The following STIM1 variants were observed in gnomAD, a reference collection of about 807,000 sequenced individuals.
STIM1 encodes stromal interaction molecule 1.
Under a neutral mutation model 74.7 loss-of-function variants are expected in STIM1, and 25 were observed. The ratio of observed to expected loss-of-function variants is 0.33; its 90% CI spans 0.24 to 0.47. The LOEUF (loss-of-function observed/expected upper bound fraction) is 0.47. Ranked by LOEUF, STIM1 falls within the 20% of genes least tolerant of loss-of-function variation. The probability of loss-of-function intolerance (pLI) is 1.00; values close to 1 mark genes in which losing one functional copy is unlikely to be tolerated. For missense variants in STIM1, 728 were observed against 920.8 expected, an observed-to-expected ratio of 0.79 and a Z score of 2.71; for synonymous variants, 328 against 348.8, an observed-to-expected ratio of 0.94 and a Z score of 0.66.
intron 1 of STIM1, among the ~76,000 whole-genome samples, chr11:3,869,730 C>A (rs7952083): frequency 0.6 from 90,882 of 151,982 alleles, 28,373 homozygotes; most frequent in African/African-American, 0.79. Flanking sequence ...GGGGAGAGAC[C>A]TGACCTGAGT....
intron 1 of STIM1, among the ~76,000 whole-genome samples, chr11:3,957,558 A>G (rs1170599562): frequency 6.6e-6 from 1 of 151,688 alleles, no homozygotes; most frequent in Non-Finnish European, 1.5e-5. Context: ...CGCCTGGCCT[A>G]TTATTATTAT....
chr11:3,895,340 A>G (rs2092028472), intron 1 of STIM1, among the ~76,000 whole-genome samples: 1 of 152,172 alleles, frequency 6.6e-6, no homozygotes, highest in Admixed American at 6.6e-5. Flanking sequence ...TTAAACCTCC[A>G]AGAGATTGGT....
At position 4,015,600 on chromosome 11, in the gene STIM1, G is replaced by C. The variant is rs184342175; in HGVS notation, c.271-8273G>C. 6.5e-3 allele frequency among the ~76,000 whole-genome samples: 990 copies of C among 152,300 alleles called. 9 individuals carry two copies. Among genetic ancestry groups the C allele is most frequent in the African/African-American group, 0.022 (933 of 41,562 alleles). On this transcript the variant is annotated intron_variant, in intron 2 of 12. Coordinates refer to ENST00000526596, the MANE Select transcript of STIM1 (RefSeq NM_001382567.1). ...ATTTGAATGTTGGCCTGCCTTGCTA[G>C]GTTGGGGAAGTTCTCCTGGATAATA...
At chr11:3,919,757 C>T (rs1025124974) in intron 1 of STIM1, among the ~76,000 whole-genome samples, 2 of 152,074 alleles carry the variant, frequency 1.3e-5, no homozygotes, top group African/African-American at 2.4e-5. Flanking sequence ...CAGCCAACAA[C>T]CATTCGATTT....
At chr11:3,972,736 G>C in intron 2 of STIM1, 1 of 453,412 alleles carries the variant, frequency 2.2e-6, no homozygotes, top group Non-Finnish European at 4.4e-6. Flanking sequence ...TCACAAATCT[G>C]TTGTAACCTG....
chr11:4,035,560 A>G (rs1475598434), intron 3 of STIM1, among the ~76,000 whole-genome samples: 2 of 151,670 alleles, frequency 1.3e-5, no homozygotes, highest in African/African-American at 4.8e-5. Context: ...AAAATATTTT[A>G]TATTTCCTTT....
At chr11:3,969,073 G>A (rs905102356) in intron 2 of STIM1, among the ~76,000 whole-genome samples, 1 of 152,224 alleles carries the variant, frequency 6.6e-6, no homozygotes, top group Non-Finnish European at 1.5e-5. Flanking sequence ...AAAGTAAAAA[G>A]TAGGCATTTT....
At chr11:4,004,574 C>T (rs1411785689) in intron 2 of STIM1, among the ~76,000 whole-genome samples, 1 of 151,380 alleles carries the variant, frequency 6.6e-6, no homozygotes, top group Non-Finnish European at 1.5e-5. Context: ...ATACCTTATA[C>T]AAAAATTAAT....
chr11:3,887,398 T>C (rs966831747), intron 1 of STIM1, among the ~76,000 whole-genome samples: 2 of 152,118 alleles, frequency 1.3e-5, no homozygotes, highest in African/African-American at 4.8e-5. Context: ...TAGAAGTGCT[T>C]AATATATTGT....
intron 5 of STIM1, among the ~76,000 whole-genome samples, chr11:4,061,003 A>T (rs2094326971): frequency 6.6e-6 from 1 of 152,188 alleles, no homozygotes; most frequent in Non-Finnish European, 1.5e-5. Context: ...CTTATACCCA[A>T]CTATAAAAGC....
intron 3 of STIM1, among the ~76,000 whole-genome samples, chr11:4,026,069 A>G (rs1251807987): frequency 6.6e-6 from 1 of 152,176 alleles, no homozygotes; most frequent in Non-Finnish European, 1.5e-5. Flanking sequence ...ATCTCTCCGG[A>G]GTGATGATTT....
intron 3 of STIM1, among the ~76,000 whole-genome samples, chr11:4,053,099 G>A (rs1395559749): frequency 2.0e-5 from 3 of 152,218 alleles, no homozygotes; most frequent in East Asian, 1.9e-4. Flanking sequence ...TGGAGAGGAC[G>A]TGGAGAAATA....
intron 1 of STIM1, among the ~76,000 whole-genome samples, chr11:3,928,884 C>G (rs551204102): frequency 6.6e-6 from 1 of 152,096 alleles, no homozygotes; most frequent in African/African-American, 2.4e-5. Context: ...TCTTTTTCCT[C>G]GAGACAGACT....
chr11:4,023,771 A>G, intron 2 of STIM1, 102 bp from the exon 3 acceptor site: 1 of 792,346 alleles, frequency 1.3e-6, no homozygotes, highest in Non-Finnish European at 2.2e-6. Context: ...TGTTGGGTAG[A>G]TGGAATGTGT....
chr11:3,975,228 G>A (rs539434114), intron 2 of STIM1, among the ~76,000 whole-genome samples: 1 of 152,314 alleles, frequency 6.6e-6, no homozygotes, highest in Admixed American at 6.5e-5. Flanking sequence ...GGTAGTTAAT[G>A]ATTCCTACCA....
intron 2 of STIM1, among the ~76,000 whole-genome samples, chr11:3,969,304 G>A (rs1486358523): frequency 2.6e-5 from 4 of 151,708 alleles, no homozygotes; most frequent in Non-Finnish European, 2.9e-5. Flanking sequence ...GGACAACACA[G>A]CGAGACCCTG....
At chr11:3,957,304 T>C (rs187020810) in intron 1 of STIM1, among the ~76,000 whole-genome samples, 48 of 152,274 alleles carry the variant, frequency 3.2e-4, no homozygotes, top group South Asian at 1.0e-3. Flanking sequence ...TTGCGCAGGC[T>C]GGAGTGCAGT....
intron 1 of STIM1, among the ~76,000 whole-genome samples, chr11:3,857,108 GT>G (rs34961672): frequency 0.017 from 1,768 of 104,010 alleles, 53 homozygotes; most frequent in African/African-American, 0.056. Context: ...TTTTTTTTTT[GT>G]TTTTTTTTTT....
chr11:4,039,103 A>G (rs1205471478), intron 3 of STIM1, among the ~76,000 whole-genome samples: 3 of 152,184 alleles, frequency 2.0e-5, no homozygotes, highest in Admixed American at 6.5e-5. Flanking sequence ...GACTCAACAG[A>G]ATAAGATATC....
Sources: gnomAD v4.1 joint callset for allele counts (sites outside exome capture counted in the v4.1 genomes callset) on GRCh38, gnomAD v4.1.1 for gene constraint, MANE v1.5 for transcripts, NCBI Gene and HGNC (gene_info 2026-07-23, HGNC 2026-07-21) for gene names.